RP1: variants seen among roughly 807,000 people sequenced by gnomAD.
The protein encoded by RP1 is RP1 axonemal microtubule associated, also known as oxygen-regulated protein 1.
RP1 carries 16 observed loss-of-function variants against 14.8 expected under a neutral mutation model. The observed-to-expected ratio is 1.08, with a 90% CI of 0.73 to 1.65. The LOEUF (loss-of-function observed/expected upper bound fraction) is 1.65, where lower values mean the gene tolerates loss of function less well. Ranked by LOEUF, RP1 falls within the 40% of genes most tolerant of loss-of-function variation. RP1 has a pLI of 0.00. For missense variants in RP1, 2,631 were observed against 2,535.0 expected (o/e 1.04, Z -0.81); for synonymous variants, 876 against 883.6 (o/e 0.99, Z 0.15).
chr8:54,828,780 C>CTG (rs1325336273), intron 24 of RP1, among the ~76,000 whole-genome samples: 5 of 151,616 alleles, frequency 3.3e-5, no homozygotes, highest in African/African-American at 1.2e-4. Context: ...GTAATGTGTT[C>CTG]TCTACGACAT....
At chr8:54,779,478 A>G (rs1810128810) in intron 23 of RP1, among the ~76,000 whole-genome samples, 1 of 152,232 alleles carries the variant, frequency 6.6e-6, no homozygotes, top group Non-Finnish European at 1.5e-5. Flanking sequence ...CAAGTATCTG[A>G]AAACATGTCT....
chr8:54,831,145 A>C (rs1811514567), intron 24 of RP1, among the ~76,000 whole-genome samples: 1 of 152,034 alleles, frequency 6.6e-6, no homozygotes, highest in African/African-American at 2.4e-5. Flanking sequence ...TTGGCTGCAT[A>C]GACTTTGTTG....
At chr8:54,787,655 C>A (rs1563376564) in intron 24 of RP1, among the ~76,000 whole-genome samples, 1 of 152,192 alleles carries the variant, frequency 6.6e-6, no homozygotes, top group Non-Finnish European at 1.5e-5. Context: ...ATGCCGTTCA[C>A]TCCTAGAAAG....
intron 1 of RP1, among the ~76,000 whole-genome samples, chr8:54,571,129 C>T (rs528284188): frequency 1.2e-4 from 18 of 148,974 alleles, no homozygotes; most frequent in African/African-American, 4.5e-4. Context: ...GAGCTCTGCA[C>T]TGGTCCTGCC....
Position 54,628,502 on chromosome 8 carries a change from T to C in RP1, c.4620T>C (p.Phe1540=). 1 of 1,613,840 alleles carries C rather than the reference T, an allele frequency of 6.2e-7. No individual in the cohort carries two copies. The highest frequency in any genetic ancestry group is 2.2e-5 in the East Asian group (1 of 44,878). Reference sequence around the variant, plus strand: ...TGGCAACACCACCATCTTTAGATTTTTGCTATGATTCTAAGCAAAATAGTG... The same window carrying C: ...TGGCAACACCACCATCTTTAGATTTCTGCTATGATTCTAAGCAAAATAGTG... ...KRLATPPSLD[F]CYDSKQNSEK... is the part of the protein sequence containing the mutation. Residue 1540 remains phenylalanine, a synonymous_variant, in exon 4 of 4, where the codon TTT becomes TTC. Coordinates refer to ENST00000220676, the MANE Select transcript of RP1 (RefSeq NM_006269.2).
intron 19 of RP1, among the ~76,000 whole-genome samples, chr8:54,744,944 G>A (rs186222859): frequency 2.1e-4 from 32 of 152,218 alleles, no homozygotes; most frequent in African/African-American, 6.3e-4. Context: ...GTGGGAGAGA[G>A]CACATCAAGT....
At chr8:54,803,214 A>G (rs1810756303) in intron 24 of RP1, among the ~76,000 whole-genome samples, 1 of 152,144 alleles carries the variant, frequency 6.6e-6, no homozygotes, top group South Asian at 2.1e-4. Flanking sequence ...TTTCGTAGCT[A>G]CTTTTGGAGT....
intron 1 of RP1, among the ~76,000 whole-genome samples, chr8:54,597,828 T>C (rs1805182718): frequency 6.6e-6 from 1 of 152,132 alleles, no homozygotes; most frequent in Admixed American, 6.5e-5. Context: ...TGCTTTGGGC[T>C]GTGGGTGGAA....
rs1805851150 is a variant in RP1 at position 54,621,153 on chromosome 8, T to C, written c.187T>C (p.Phe63Leu). ...VVVNPRSFKS[F>L]DALLDNLSRK... Reference sequence around the variant, plus strand: ...GGTCAACCCTCGCTCCTTTAAGTCCTTTGATGCTCTGCTGGATAACTTGTC... The same window carrying C: ...GGTCAACCCTCGCTCCTTTAAGTCCCTTGATGCTCTGCTGGATAACTTGTC... Residue 63 changes from phenylalanine (F) to leucine (L), a missense_variant, in exon 2 of 4, where the codon TTT (phenylalanine) becomes CTT (leucine). Coordinates refer to ENST00000220676, the MANE Select transcript of RP1 (RefSeq NM_006269.2). 6.2e-7 allele frequency: 1 copy of C among 1,614,056 alleles called. No individual in the cohort carries two copies. The highest frequency in any genetic ancestry group is 1.3e-5 in the African/African-American group (1 of 74,914).
rs1806230689 is a variant in RP1, at chr8:54,630,689, TGTTAGCTTG to T, written c.*339_*347del. ...GAATTATATCCTTTTTAAAAAATGT[TGTTAGCTTG>T]GTGTAAAATGTATATTGACTGTATT... On this transcript the variant is annotated 3_prime_UTR_variant, in exon 4 of 4. Coordinates refer to ENST00000220676, the MANE Select transcript of RP1 (RefSeq NM_006269.2). 17 of 1,102,350 alleles carry T rather than the reference TGTTAGCTTG, an allele frequency of 1.5e-5. No individual in the cohort carries two copies. In the South Asian group the frequency reaches 4.3e-4, roughly 28 times the overall value. 68.3% of individuals were successfully genotyped at this position (1,102,350 alleles called of 1,614,324 possible).
At chr8:54,857,172 G>A (rs1812224206) in intron 27 of RP1, 8 of 552,910 alleles carry the variant, frequency 1.4e-5, no homozygotes, top group South Asian at 9.2e-5. Flanking sequence ...TAAGAAGCAG[G>A]TGAAAGAACA....
At chr8:54,867,011 A>T (rs563931286) in intron 28 of RP1, among the ~76,000 whole-genome samples, 1 of 152,354 alleles carries the variant, frequency 6.6e-6, no homozygotes, top group Non-Finnish European at 1.5e-5. Flanking sequence ...GAGATAAAAA[A>T]GTAGAGTTCT....
chr8:54,807,887 T>C (rs1481761779), intron 24 of RP1, among the ~76,000 whole-genome samples: 1 of 152,052 alleles, frequency 6.6e-6, no homozygotes, highest in Non-Finnish European at 1.5e-5. Context: ...TCTGTTCTAT[T>C]GAGGCCTTTA....
Position 54,628,294 on chromosome 8 carries a change from T to C in RP1, c.4412T>C (p.Leu1471Ser). The C allele has an allele frequency of 6.2e-7, 1 of 1,613,852 alleles. No homozygotes were observed. Among genetic ancestry groups the C allele is most frequent in the Non-Finnish European group, 8.5e-7 (1 of 1,179,906 alleles). Reference sequence around the variant, plus strand: ...TCAGAATTGGAATCTTTTGAAGAATTAGAAAACCATGACACTGATATCTTT... The same window carrying C: ...TCAGAATTGGAATCTTTTGAAGAATCAGAAAACCATGACACTGATATCTTT... ...NISELESFEE[L>S]ENHDTDIFNT... The change falls in exon 4 of 4, where the codon TTA (leucine) becomes TCA (serine). Residue 1471 changes from leucine to serine, a missense_variant. Coordinates refer to ENST00000220676, the MANE Select transcript of RP1 (RefSeq NM_006269.2).
intron 23 of RP1, among the ~76,000 whole-genome samples, chr8:54,781,538 A>C (rs927013798): frequency 6.6e-6 from 1 of 152,228 alleles, no homozygotes; most frequent in Admixed American, 6.5e-5. Flanking sequence ...TACAAGCAAT[A>C]CAAAAACTGT....
At chr8:54,587,787 T>A (rs1385185373) in intron 1 of RP1, among the ~76,000 whole-genome samples, 1 of 152,234 alleles carries the variant, frequency 6.6e-6, no homozygotes, top group African/African-American at 2.4e-5. Flanking sequence ...CTTTTTCTAT[T>A]TCTAATTTCT....
intron 22 of RP1, among the ~76,000 whole-genome samples, chr8:54,767,221 T>TATGGTAATTTATAA (rs1809781664): frequency 6.6e-6 from 1 of 152,188 alleles, no homozygotes; most frequent in Non-Finnish European, 1.5e-5. Flanking sequence ...TAGGTAAGGT[T>TATGGTAATTTATAA]ATTATCCATA....
At chr8:54,576,309 T>C (rs1250967633) in intron 1 of RP1, among the ~76,000 whole-genome samples, 2 of 152,038 alleles carry the variant, frequency 1.3e-5, no homozygotes, top group Non-Finnish European at 2.9e-5. Context: ...CCTCCCAAAG[T>C]GCTGGGATTA....
chr8:54,766,390 T>C (rs1200280376), intron 22 of RP1, among the ~76,000 whole-genome samples: 1 of 152,168 alleles, frequency 6.6e-6, no homozygotes, highest in Non-Finnish European at 1.5e-5. Context: ...AGGCCACTAT[T>C]AATCATTTCT....
Sources: gnomAD v4.1 joint callset for allele counts (sites outside exome capture counted in the v4.1 genomes callset) on GRCh38, gnomAD v4.1.1 for gene constraint, MANE v1.5 for transcripts, NCBI Gene and HGNC (gene_info 2026-07-23, HGNC 2026-07-21) for gene names.